PITPNC1: variants seen among roughly 807,000 people sequenced by gnomAD.
The protein encoded by PITPNC1 is phosphatidylinositol transfer protein cytoplasmic 1, also known as cytoplasmic phosphatidylinositol transfer protein 1.
In PITPNC1, 18 loss-of-function variants were observed where a neutral mutation model predicts 44.7. The observed-to-expected ratio is 0.40, with a 90% CI of 0.28 to 0.60. PITPNC1 has a LOEUF of 0.60. Ranked by LOEUF, PITPNC1 falls within the 20% of genes least tolerant of loss-of-function variation. The pLI is 0.39. For synonymous variants in PITPNC1, 141 were observed against 149.6 expected, an observed-to-expected ratio of 0.94 and a Z score of 0.42; for missense variants, 290 against 418.4, an observed-to-expected ratio of 0.69 and a Z score of 2.68.
chr17:67,522,022 G>C (rs889426426), intron 1 of PITPNC1, among the ~76,000 whole-genome samples: 1 of 152,122 alleles, frequency 6.6e-6, no homozygotes, highest in African/African-American at 2.4e-5. Context: ...AGACCTCTCG[G>C]GCTGGGCATG....
intron 1 of PITPNC1, among the ~76,000 whole-genome samples, chr17:67,511,300 T>C (rs963622417): frequency 6.6e-6 from 1 of 152,204 alleles, no homozygotes; most frequent in Non-Finnish European, 1.5e-5. Context: ...AATGTAGACA[T>C]GAATAATCTT....
Position 67,426,984 on chromosome 17 carries a change from C to T in PITPNC1, c.48+48782C>T, listed in dbSNP as rs146891237. 9.8e-3 allele frequency among the ~76,000 whole-genome samples: 1,489 copies of T among 152,238 alleles called. 26 individuals carry two copies. Among genetic ancestry groups the T allele is most frequent in the Non-Finnish European group, 0.014 (926 of 68,034 alleles). On this transcript the variant is annotated intron_variant, in intron 1 of 8. Coordinates refer to ENST00000581322, the MANE Select transcript of PITPNC1 (RefSeq NM_012417.4). Reference sequence around the variant, plus strand: ...GAGTTCTGAGCACCATGCTTACATGCACCTCTCCTTTGCAGCAAACATAAG... The same window carrying T: ...GAGTTCTGAGCACCATGCTTACATGTACCTCTCCTTTGCAGCAAACATAAG...
intron 4 of PITPNC1, among the ~76,000 whole-genome samples, chr17:67,558,984 C>T (rs1018194555): frequency 6.6e-6 from 1 of 152,136 alleles, no homozygotes; most frequent in Non-Finnish European, 1.5e-5. Flanking sequence ...GGTTATCTGC[C>T]CAGGAGTGGC....
Position 67,562,351 on chromosome 17 carries a change from G to A in PITPNC1, c.294+8734G>A, listed in dbSNP as rs569951319. Among the ~76,000 whole-genome samples, 26 of 152,136 alleles carry A rather than the reference G, an allele frequency of 1.7e-4. No individual in the cohort carries two copies. The South Asian group carries it at 2.1e-3, about 12-fold the overall frequency. ...AGCAGCTGTTTTCCGGCTGTGTTTC[G>A]GAGCTCTGCCTTCCACACAGTCCCT... is the stretch of plus-strand genomic sequence containing the variant. On this transcript the variant is annotated intron_variant, in intron 4 of 8. Coordinates refer to ENST00000581322, the MANE Select transcript of PITPNC1 (RefSeq NM_012417.4).
intron 5 of PITPNC1, among the ~76,000 whole-genome samples, chr17:67,581,145 A>G (rs1204440109): frequency 1.3e-5 from 2 of 152,204 alleles, no homozygotes; most frequent in Non-Finnish European, 1.5e-5. Context: ...AGTTCAAATC[A>G]TCCCCAAAAT....
chr17:67,443,508 G>A (rs946071391), intron 1 of PITPNC1, among the ~76,000 whole-genome samples: 5 of 151,848 alleles, frequency 3.3e-5, no homozygotes, highest in East Asian at 3.9e-4. Context: ...GCGAGCAACC[G>A]GGGCTTTTCA....
In PITPNC1 at chr17:67,610,394, C is replaced by T. The variant is rs368279439; in HGVS notation, c.367-21749C>T. Among the ~76,000 whole-genome samples, 18 of 152,178 alleles carry T rather than the reference C, an allele frequency of 1.2e-4. No homozygotes were observed. In the South Asian group the frequency reaches 1.9e-3, roughly 16 times the overall value. ...AAATAATCTCTGATTCAAGGGATTCCGCTCCGAAAATTACATTGGAAATTG... is the reference window on the plus strand; with the variant it reads ...AAATAATCTCTGATTCAAGGGATTCTGCTCCGAAAATTACATTGGAAATTG... On this transcript the variant is annotated intron_variant, in intron 5 of 8. Coordinates refer to ENST00000581322, the MANE Select transcript of PITPNC1 (RefSeq NM_012417.4).
At chr17:67,411,804 A>G (rs141648919) in intron 1 of PITPNC1, among the ~76,000 whole-genome samples, 211 of 152,158 alleles carry the variant, frequency 1.4e-3, no homozygotes, top group African/African-American at 4.7e-3. Context: ...GCACTTATGT[A>G]TATTAATTTG....
intron 5 of PITPNC1, among the ~76,000 whole-genome samples, chr17:67,589,304 C>T (rs1026078865): frequency 6.6e-6 from 1 of 152,222 alleles, no homozygotes; most frequent in African/African-American, 2.4e-5. Flanking sequence ...CAGCTTACCT[C>T]TGCATTCAAA....
At chr17:67,551,446 T>C (rs2040761358) in intron 2 of PITPNC1, among the ~76,000 whole-genome samples, 1 of 152,228 alleles carries the variant, frequency 6.6e-6, no homozygotes, top group Non-Finnish European at 1.5e-5. Flanking sequence ...AGAGAGAATC[T>C]GTCCCGGGCC....
At chr17:67,431,062 C>CTTTTTTTTTT (rs6146118) in intron 1 of PITPNC1, among the ~76,000 whole-genome samples, 11 of 133,054 alleles carry the variant, frequency 8.3e-5, no homozygotes, top group Non-Finnish European at 1.3e-4. Context: ...GTTACTGTTT[C>CTTTTTTTTTT]TTTTTTTTTT....
chr17:67,386,140 C>A (rs192787261), intron 1 of PITPNC1, among the ~76,000 whole-genome samples: 1 of 152,116 alleles, frequency 6.6e-6, no homozygotes, highest in African/African-American at 2.4e-5. Flanking sequence ...GTAAGGCTGT[C>A]GTTTCAGGCG....
intron 1 of PITPNC1, among the ~76,000 whole-genome samples, chr17:67,521,495 C>T (rs535665889): frequency 3.3e-5 from 5 of 152,130 alleles, no homozygotes; most frequent in South Asian, 2.1e-4. Flanking sequence ...TTTGTGGGAT[C>T]GGATATTGGT....
intron 1 of PITPNC1, among the ~76,000 whole-genome samples, chr17:67,490,201 G>A (rs2039844266): frequency 6.6e-6 from 1 of 150,556 alleles, no homozygotes; most frequent in African/African-American, 2.4e-5. Context: ...TTGGAGCTAA[G>A]AATGAGGAAT....
intron 1 of PITPNC1, among the ~76,000 whole-genome samples, chr17:67,492,686 A>G (rs2039880211): frequency 6.6e-6 from 1 of 152,194 alleles, no homozygotes; most frequent in South Asian, 2.1e-4. Context: ...ACACCGCCCC[A>G]GGACAGCTAC....
intron 6 of PITPNC1, among the ~76,000 whole-genome samples, chr17:67,640,989 C>CA (rs534944833): frequency 5.0e-5 from 7 of 141,118 alleles, no homozygotes; most frequent in African/African-American, 1.0e-4. Context: ...GACCCTGTCT[C>CA]AAAAAAAAAA....
intron 5 of PITPNC1, among the ~76,000 whole-genome samples, chr17:67,598,814 A>G (rs1310297078): frequency 6.6e-6 from 1 of 150,824 alleles, no homozygotes; most frequent in East Asian, 1.9e-4. Context: ...AATTGCTTGA[A>G]CCTGAGAGGT....
At chr17:67,652,607 C>T (rs2042221201) in intron 6 of PITPNC1, among the ~76,000 whole-genome samples, 1 of 152,204 alleles carries the variant, frequency 6.6e-6, no homozygotes, top group South Asian at 2.1e-4. Flanking sequence ...TTATAAAACC[C>T]TGGCTAGAAG....
In PITPNC1 at chr17:67,496,262, T is replaced by C. The variant is rs531822241; in HGVS notation, c.49-36540T>C. ...TGGAAACACTCCCCTTTCCCTGTTATCGTTCTTCATTTCCTCCTACTCTTT... is the reference window on the plus strand; with the variant it reads ...TGGAAACACTCCCCTTTCCCTGTTACCGTTCTTCATTTCCTCCTACTCTTT... On this transcript the variant is annotated intron_variant, in intron 1 of 8. Coordinates refer to ENST00000581322, the MANE Select transcript of PITPNC1 (RefSeq NM_012417.4). 2.0e-5 allele frequency among the ~76,000 whole-genome samples: 3 copies of C among 152,350 alleles called. 1 individual carries two copies. The highest frequency in any genetic ancestry group is 4.8e-5 in the African/African-American group (2 of 41,576).
Sources: gnomAD v4.1 joint callset for allele counts (sites outside exome capture counted in the v4.1 genomes callset) on GRCh38, gnomAD v4.1.1 for gene constraint, MANE v1.5 for transcripts, NCBI Gene and HGNC (gene_info 2026-07-23, HGNC 2026-07-21) for gene names.